The following FTO variants were observed in gnomAD, a reference collection of about 807,000 sequenced individuals.
FTO encodes the protein FTO alpha-ketoglutarate dependent dioxygenase, also known as alpha-ketoglutarate-dependent dioxygenase FTO.
FTO carries 47 observed loss-of-function variants against 63.9 expected under a neutral mutation model. That is an observed-to-expected ratio of 0.74 (90% CI 0.58 to 0.94). The LOEUF (loss-of-function observed/expected upper bound fraction) is 0.94, where lower values mean the gene tolerates loss of function less well. Among genes scored for constraint, FTO ranks in the 40% least tolerant of loss-of-function variants. The probability of loss-of-function intolerance (pLI) is 0.00; values close to 1 mark genes in which losing one functional copy is unlikely to be tolerated. For missense variants in FTO, 562 were observed against 618.1 expected (o/e 0.91, Z 0.96); for synonymous variants, 207 against 224.4 (o/e 0.92, Z 0.69).
chr16:53,794,891 A>C (rs962465392), intron 1 of FTO, among the ~76,000 whole-genome samples: 3 of 152,184 alleles, frequency 2.0e-5, no homozygotes, highest in Non-Finnish European at 4.4e-5. Context: ...TTCAAAATGC[A>C]ATACCAAAAT....
At chr16:54,069,277 C>T (rs567109651) in intron 8 of FTO, among the ~76,000 whole-genome samples, 105 of 152,262 alleles carry the variant, frequency 6.9e-4, no homozygotes, top group African/African-American at 2.4e-3. Flanking sequence ...GTCTGCACCA[C>T]CTGGGCCTAA....
At chr16:53,892,676 T>G (rs2081180234) in intron 7 of FTO, among the ~76,000 whole-genome samples, 1 of 152,216 alleles carries the variant, frequency 6.6e-6, no homozygotes, top group Non-Finnish European at 1.5e-5. Flanking sequence ...AACATCGATC[T>G]CTTTTGCTGA....
At chr16:53,937,328 A>G in intron 8 of FTO, 1 of 398,610 alleles carries the variant, frequency 2.5e-6, no homozygotes. Context: ...AGAATTTCTG[A>G]AGATTCGCCT....
intron 8 of FTO, among the ~76,000 whole-genome samples, chr16:54,082,228 C>A (rs963157551): frequency 6.6e-5 from 10 of 152,150 alleles, no homozygotes; most frequent in African/African-American, 2.4e-4. Flanking sequence ...TTTCCAGTTC[C>A]CTCCAATAAA....
At chr16:54,071,537 T>C (rs1293670961) in intron 8 of FTO, 2 of 152,284 alleles carry the variant, frequency 1.3e-5, no homozygotes, top group African/African-American at 4.8e-5. Context: ...GGCCTGAAAC[T>C]GATTATATCA....
chr16:53,741,788 A>G (rs922363421), intron 1 of FTO, among the ~76,000 whole-genome samples: 8 of 152,176 alleles, frequency 5.3e-5, no homozygotes, highest in African/African-American at 1.7e-4. Flanking sequence ...TACAATTTCT[A>G]TGGGTCATGA....
chr16:53,704,287 A>C (rs1971831292), intron 1 of FTO, 58 bp downstream of exon 1: 1 of 1,517,050 alleles, frequency 6.6e-7, no homozygotes, highest in African/African-American at 1.4e-5. Flanking sequence ...GGATCAGGGA[A>C]CCGGAAGGGC....
chr16:53,992,278 A>C (rs1423123021), intron 8 of FTO: 1 of 152,128 alleles, frequency 6.6e-6, no homozygotes, highest in Non-Finnish European at 1.5e-5. Context: ...AGAGGAACGG[A>C]AGGTGCTGCA....
At chr16:53,949,103 G>A (rs1423490424) in intron 8 of FTO, among the ~76,000 whole-genome samples, 3 of 152,160 alleles carry the variant, frequency 2.0e-5, no homozygotes, top group Admixed American at 6.6e-5. Flanking sequence ...AAAAATGTTG[G>A]CAGTTTTGAA....
intron 3 of FTO, among the ~76,000 whole-genome samples, chr16:53,835,194 G>C (rs1044419888): frequency 6.6e-6 from 1 of 152,172 alleles, no homozygotes; most frequent in Non-Finnish European, 1.5e-5. Context: ...GTCTTCCAGA[G>C]TCTTCTTGTC....
intron 4 of FTO, among the ~76,000 whole-genome samples, chr16:53,872,179 G>A (rs747099730): frequency 1.3e-5 from 2 of 152,130 alleles, no homozygotes; most frequent in African/African-American, 2.4e-5. Context: ...TTGGCTGCTG[G>A]GATCATAGAA....
intron 1 of FTO, among the ~76,000 whole-genome samples, chr16:53,796,128 T>C (rs1031933321): frequency 6.7e-6 from 1 of 149,008 alleles, no homozygotes; most frequent in African/African-American, 2.5e-5. Context: ...GACTGCAACC[T>C]CCGCCTCCCA....
chr16:53,840,374 A>T (rs533256131), intron 3 of FTO, among the ~76,000 whole-genome samples: 1 of 152,204 alleles, frequency 6.6e-6, no homozygotes, highest in Non-Finnish European at 1.5e-5. Flanking sequence ...GTATGCTGTC[A>T]TTAGTCATGT....
intron 8 of FTO, among the ~76,000 whole-genome samples, chr16:54,027,800 G>T (rs541190097): frequency 1.7e-3 from 253 of 152,280 alleles, no homozygotes; most frequent in Non-Finnish European, 3.4e-3. Context: ...TGCTGAAAAG[G>T]CAGAGAGTGT....
chr16:53,846,746 G>A (rs376729744), intron 4 of FTO, among the ~76,000 whole-genome samples: 4 of 150,014 alleles, frequency 2.7e-5, no homozygotes, highest in South Asian at 4.2e-4. Flanking sequence ...AAGTTGCAGG[G>A]AGCTGAGATT....
chr16:54,046,936 C>T (rs1183956537), intron 8 of FTO, among the ~76,000 whole-genome samples: 2 of 97,286 alleles, frequency 2.1e-5, no homozygotes, highest in Non-Finnish European at 4.0e-5. Flanking sequence ...GGATCCCTTC[C>T]TTACACCTTA....
At position 53,847,470 on chromosome 16, in the gene FTO, T is replaced by TA. The variant is rs538341706; in HGVS notation, c.895+3174dup. On this transcript the variant is annotated intron_variant, in intron 4 of 8. Coordinates refer to ENST00000471389, the MANE Select transcript of FTO (RefSeq NM_001080432.3). ...TTAAGGTTATGGGTTTCTCAGGGTT[T>TA]AAGAACTGGATTATAGGCCAGGCGC... is the stretch of plus-strand genomic sequence containing the variant. Among the ~76,000 whole-genome samples the TA allele has an allele frequency of 3.4e-4, 52 of 152,272 alleles. No homozygotes were observed. The East Asian group carries it at 9.8e-3, about 29-fold the overall frequency.
At chr16:53,885,900 A>G (rs994593423) in intron 6 of FTO, among the ~76,000 whole-genome samples, 13 of 152,112 alleles carry the variant, frequency 8.5e-5, no homozygotes, top group African/African-American at 3.1e-4. Context: ...GGCGCGTGCC[A>G]CCACAACCAT....
At chr16:53,945,486 G>T (rs1026555557) in intron 8 of FTO, among the ~76,000 whole-genome samples, 1 of 152,208 alleles carries the variant, frequency 6.6e-6, no homozygotes, top group African/African-American at 2.4e-5. Flanking sequence ...CCACTGATAC[G>T]ATTCACTTAG....
Sources: allele counts gnomAD v4.1 joint callset (sites outside exome capture counted in the v4.1 genomes callset), GRCh38; gene constraint gnomAD v4.1.1; transcripts MANE v1.5; gene names NCBI Gene and HGNC (gene_info 2026-07-23, HGNC 2026-07-21).